The following EML1 variants were observed in gnomAD, a reference collection of about 807,000 sequenced individuals.
EML1 encodes EMAP like 1.
EML1 carries 27 observed loss-of-function variants against 110.4 expected under a neutral mutation model. That is an observed-to-expected ratio of 0.24 (90% CI 0.18 to 0.34). The LOEUF is 0.34. Among genes scored for constraint, EML1 ranks in the 10% least tolerant of loss-of-function variants. The pLI is 1.00. For missense variants in EML1, 741 were observed against 1,030.9 expected (o/e 0.72, Z 3.85); for synonymous variants, 344 against 385.8 (o/e 0.89, Z 1.27).
chr14:99,867,742 A>G (rs1349125107), intron 3 of EML1, among the ~76,000 whole-genome samples: 1 of 152,204 alleles, frequency 6.6e-6, no homozygotes, highest in East Asian at 1.9e-4. Context: ...GGTTTTCTAA[A>G]TATAAGATTC....
intron 2 of EML1, among the ~76,000 whole-genome samples, chr14:99,854,510 C>T (rs141079880): frequency 1.3e-5 from 2 of 152,322 alleles, no homozygotes; most frequent in African/African-American, 2.4e-5. Context: ...CCTGTCCCTG[C>T]GGTTGGCCTG....
chr14:99,803,311 G>A (rs1056646818), intron 1 of EML1, among the ~76,000 whole-genome samples: 5 of 152,356 alleles, frequency 3.3e-5, no homozygotes, highest in African/African-American at 1.2e-4. Flanking sequence ...TTCCCTGTGT[G>A]CTTGAAACAA....
chr14:99,755,557 G>A (rs1169318978), intron 1 of EML1, among the ~76,000 whole-genome samples: 2 of 152,272 alleles, frequency 1.3e-5, no homozygotes, highest in East Asian at 3.9e-4. Flanking sequence ...GGAGGGGAGA[G>A]CTGGGGGCAA....
Position 99,796,409 on chromosome 14 carries a change from T to C in EML1, c.67+2866T>C, listed in dbSNP as rs77932849. Among the ~76,000 whole-genome samples the C allele has an allele frequency of 6.4e-3, 981 of 152,224 alleles. 11 individuals are homozygous for C. Among genetic ancestry groups the C allele is most frequent in the African/African-American group, 0.022 (931 of 41,546 alleles). On this transcript the variant is annotated intron_variant, in intron 1 of 21. Coordinates refer to ENST00000262233, the MANE Select transcript of EML1 (RefSeq NM_004434.3). ...GCTCATCCTCATCTTTCAGGAACTG[T>C]CTTTCTCATTTAAGCAGAAAATGTG...
chr14:99,741,023 A>G (rs1204627563), intron 1 of EML1, among the ~76,000 whole-genome samples: 3 of 152,198 alleles, frequency 2.0e-5, no homozygotes, highest in Admixed American at 6.5e-5. Context: ...AATCCTAAGC[A>G]CCGAAGAGCA....
intron 17 of EML1, among the ~76,000 whole-genome samples, chr14:99,922,267 C>T (rs1345209319): frequency 1.3e-5 from 2 of 151,972 alleles, no homozygotes; most frequent in African/African-American, 2.4e-5. Flanking sequence ...AGGTGCATGC[C>T]ACCACACCTG....
chr14:99,910,072 G>A (rs1442977909), intron 11 of EML1, among the ~76,000 whole-genome samples, 170 bp from the exon 12 acceptor site: 1 of 152,150 alleles, frequency 6.6e-6, no homozygotes, highest in Non-Finnish European at 1.5e-5. Context: ...CAGAAGTTAT[G>A]TAATAGTAGA....
At chr14:99,775,314 G>C (rs2057470086) in intron 1 of EML1, among the ~76,000 whole-genome samples, 1 of 152,216 alleles carries the variant, frequency 6.6e-6, no homozygotes, top group South Asian at 2.1e-4. Flanking sequence ...GACCTGGACA[G>C]GTACTAGGCA....
intron 17 of EML1, among the ~76,000 whole-genome samples, chr14:99,933,154 A>G (rs1203348484): frequency 6.6e-6 from 1 of 152,108 alleles, no homozygotes; most frequent in South Asian, 2.1e-4. Flanking sequence ...ACACCTCATT[A>G]TGTTTTGAGT....
intron 1 of EML1, among the ~76,000 whole-genome samples, chr14:99,846,757 G>A (rs2058713345): frequency 6.6e-6 from 1 of 152,190 alleles, no homozygotes; most frequent in Non-Finnish European, 1.5e-5. Context: ...CTTAAGGATA[G>A]CTGTGTGAGT....
intron 1 of EML1, chr14:99,850,472 C>T (rs1360615697): frequency 1.5e-6 from 1 of 689,600 alleles, no homozygotes; most frequent in African/African-American, 1.9e-5. Flanking sequence ...GGAACAGAAG[C>T]TAGAAGACCA....
chr14:99,847,350 T>C (rs1245587417), intron 1 of EML1, among the ~76,000 whole-genome samples: 1 of 152,062 alleles, frequency 6.6e-6, no homozygotes, highest in Non-Finnish European at 1.5e-5. Context: ...TCTGTACTGG[T>C]TTTTTGTTTG....
At chr14:99,847,797 C>G (rs972602571) in intron 1 of EML1, among the ~76,000 whole-genome samples, 1 of 151,596 alleles carries the variant, frequency 6.6e-6, no homozygotes, top group African/African-American at 2.4e-5. Flanking sequence ...TCTATTTTAT[C>G]TGATATTAAT....
chr14:99,813,162 A>G (rs2058109643), intron 1 of EML1, among the ~76,000 whole-genome samples: 1 of 152,124 alleles, frequency 6.6e-6, no homozygotes, highest in Non-Finnish European at 1.5e-5. Context: ...CCAGTTTTGT[A>G]CGCTTTGAAA....
intron 1 of EML1, among the ~76,000 whole-genome samples, chr14:99,822,545 C>T (rs1448589347): frequency 1.3e-5 from 2 of 152,206 alleles, no homozygotes; most frequent in Non-Finnish European, 2.9e-5. Flanking sequence ...TCTTGTACTG[C>T]ACCTTCTCTG....
At chr14:99,831,755 G>A (rs2058458393) in intron 1 of EML1, among the ~76,000 whole-genome samples, 1 of 151,762 alleles carries the variant, frequency 6.6e-6, no homozygotes, top group Non-Finnish European at 1.5e-5. Context: ...ATTCCATGAA[G>A]GATTTATGAT....
chr14:99,796,156 C>T (rs896452554), intron 1 of EML1, among the ~76,000 whole-genome samples: 5 of 144,042 alleles, frequency 3.5e-5, no homozygotes, highest in Non-Finnish European at 6.0e-5. Flanking sequence ...CACTGTACTA[C>T]AGCCTGGGTG....
chr14:99,861,930 A>G (rs992900163), intron 2 of EML1, among the ~76,000 whole-genome samples: 2 of 152,230 alleles, frequency 1.3e-5, no homozygotes, highest in African/African-American at 2.4e-5. Flanking sequence ...GTCACAACTA[A>G]TGGATCAATA....
Position 99,937,835 on chromosome 14 carries a change from A to G in EML1, c.2114A>G (p.Lys705Arg). The change falls in exon 20 of 22, where the codon AAG becomes AGG. Residue 705 changes from lysine to arginine, a missense_variant. Coordinates refer to ENST00000262233, the MANE Select transcript of EML1 (RefSeq NM_004434.3). The part of the protein sequence containing the change: ...EILYWVPSAC[K>R]QVVSVETTRD... Reference sequence around the variant, plus strand: ...TTTGCAGGGGTTCCCTCTGCCTGTAAGCAAGTCGTAAGTGTGGAAACTACA... The same window carrying G: ...TTTGCAGGGGTTCCCTCTGCCTGTAGGCAAGTCGTAAGTGTGGAAACTACA... 6.2e-7 allele frequency: 1 copy of G among 1,614,112 alleles called. No individual in the cohort carries two copies. Among genetic ancestry groups the G allele is most frequent in the Non-Finnish European group, 8.5e-7 (1 of 1,179,966 alleles).
Sources: gnomAD v4.1 joint callset for allele counts (sites outside exome capture counted in the v4.1 genomes callset) on GRCh38, gnomAD v4.1.1 for gene constraint, MANE v1.5 for transcripts, NCBI Gene and HGNC (gene_info 2026-07-23, HGNC 2026-07-21) for gene names.